MACROD2: variants seen among roughly 807,000 people sequenced by gnomAD.
The protein encoded by MACROD2 is mono-ADP ribosylhydrolase 2.
A neutral mutation model predicts 70.4 loss-of-function variants in MACROD2; 36 were observed. The ratio of observed to expected loss-of-function variants is 0.51; its 90% CI spans 0.39 to 0.68. The LOEUF (loss-of-function observed/expected upper bound fraction) is 0.68. MACROD2 is among the 30% of genes least tolerant of loss of function. The pLI is 0.00. For missense variants in MACROD2, 496 were observed against 538.4 expected (o/e 0.92, Z 0.78); for synonymous variants, 172 against 178.8 (o/e 0.96, Z 0.30).
At chr20:15,661,809 G>T (rs1283466102) in intron 8 of MACROD2, among the ~76,000 whole-genome samples, 1 of 152,112 alleles carries the variant, frequency 6.6e-6, no homozygotes, top group African/African-American at 2.4e-5. Context: ...TAAAATTAAG[G>T]TGTAATCACG....
intron 5 of MACROD2, among the ~76,000 whole-genome samples, chr20:15,175,388 C>T (rs1461000174): frequency 6.6e-6 from 1 of 151,804 alleles, no homozygotes; most frequent in African/African-American, 2.4e-5. Flanking sequence ...TGTAACTAAC[C>T]TGCACATTGT....
intron 8 of MACROD2, among the ~76,000 whole-genome samples, chr20:15,661,518 C>T (rs575652065): frequency 4.1e-4 from 63 of 152,296 alleles, no homozygotes; most frequent in Non-Finnish European, 3.7e-4. Context: ...TCATTCACTA[C>T]TGTAGAACAC....
intron 8 of MACROD2, among the ~76,000 whole-genome samples, chr20:15,589,767 C>A (rs1568914446): frequency 6.6e-6 from 1 of 152,294 alleles, no homozygotes; most frequent in East Asian, 1.9e-4. Context: ...ATAGTTGGAA[C>A]CACTTAGTCT....
intron 11 of MACROD2, among the ~76,000 whole-genome samples, chr20:15,935,044 C>T (rs73103568): frequency 0.14 from 20,701 of 152,146 alleles, 1,502 homozygotes; most frequent in South Asian, 0.27. Flanking sequence ...CATGTACACA[C>T]GCACACTCAC....
intron 11 of MACROD2, among the ~76,000 whole-genome samples, chr20:15,934,143 A>G (rs1432905063): frequency 6.6e-6 from 1 of 152,210 alleles, no homozygotes; most frequent in Middle Eastern, 3.2e-3. Flanking sequence ...TTTCCCAGTT[A>G]TTCTCCCAAC....
intron 3 of MACROD2, among the ~76,000 whole-genome samples, chr20:14,145,180 G>A (rs61398751): frequency 0.2 from 29,699 of 151,932 alleles, 3,008 homozygotes; most frequent in Admixed American, 0.24. Context: ...AGGCTTAAAG[G>A]GAATTTAAGA....
intron 8 of MACROD2, among the ~76,000 whole-genome samples, chr20:15,737,189 G>A (rs2051034207): frequency 6.6e-6 from 1 of 152,160 alleles, no homozygotes; most frequent in Admixed American, 6.5e-5. Context: ...AATTTTTGAA[G>A]ATAAAGTGTG....
At chr20:15,157,657 T>C (rs2145870360) in intron 5 of MACROD2, among the ~76,000 whole-genome samples, 1 of 152,248 alleles carries the variant, frequency 6.6e-6, no homozygotes, top group African/African-American at 2.4e-5. Context: ...AACTGACCCC[T>C]AATCCACACT....
intron 8 of MACROD2, among the ~76,000 whole-genome samples, chr20:15,551,126 G>A (rs2048089943): frequency 6.6e-6 from 1 of 152,102 alleles, no homozygotes; most frequent in African/African-American, 2.4e-5. Flanking sequence ...GGAGGGCTGT[G>A]GAGGTTCAGC....
At chr20:15,180,795 T>C (rs1472583767) in intron 5 of MACROD2, among the ~76,000 whole-genome samples, 1 of 152,220 alleles carries the variant, frequency 6.6e-6, no homozygotes, top group Non-Finnish European at 1.5e-5. Flanking sequence ...ATGGCCAGCA[T>C]ACAGTTTTAA....
intron 5 of MACROD2, among the ~76,000 whole-genome samples, chr20:14,809,194 C>T (rs2072677774): frequency 6.6e-6 from 1 of 152,090 alleles, no homozygotes. Flanking sequence ...GTAAAACACT[C>T]CTCAGCAAAG....
chr20:14,167,061 A>G (rs927692433), intron 3 of MACROD2, among the ~76,000 whole-genome samples: 2 of 152,078 alleles, frequency 1.3e-5, no homozygotes, highest in African/African-American at 4.8e-5. Context: ...AGGTCAGCAC[A>G]TGTACTCTTT....
At chr20:14,310,511 A>G (rs1285216127) in intron 3 of MACROD2, among the ~76,000 whole-genome samples, 3 of 152,190 alleles carry the variant, frequency 2.0e-5, no homozygotes, top group Non-Finnish European at 4.4e-5. Flanking sequence ...AAACAAACCT[A>G]CCATGCTGCC....
At chr20:14,832,643 A>G (rs1485475557) in intron 5 of MACROD2, among the ~76,000 whole-genome samples, 2 of 152,168 alleles carry the variant, frequency 1.3e-5, no homozygotes, top group Non-Finnish European at 2.9e-5. Context: ...GTAAATACAT[A>G]CAATTTAATT....
At chr20:14,533,101 C>G (rs963233724) in intron 4 of MACROD2, among the ~76,000 whole-genome samples, 1 of 146,120 alleles carries the variant, frequency 6.8e-6, no homozygotes, top group Non-Finnish European at 1.5e-5. Flanking sequence ...GATTTCACAG[C>G]AACCAATCAG....
intron 7 of MACROD2, among the ~76,000 whole-genome samples, chr20:15,469,997 G>T (rs1229697153): frequency 6.6e-6 from 1 of 152,122 alleles, no homozygotes; most frequent in Admixed American, 6.6e-5. Flanking sequence ...TCTATAGTTT[G>T]CCCATATTTC....
chr20:15,703,084 A>G (rs2050483443), intron 8 of MACROD2, among the ~76,000 whole-genome samples: 1 of 152,252 alleles, frequency 6.6e-6, no homozygotes, highest in African/African-American at 2.4e-5. Flanking sequence ...ATAGCTGGCT[A>G]GCTACATGCA....
chr20:15,392,360 A>C (rs1178486041), intron 6 of MACROD2, among the ~76,000 whole-genome samples: 2 of 152,216 alleles, frequency 1.3e-5, no homozygotes, highest in African/African-American at 4.8e-5. Flanking sequence ...GTTCCCTATT[A>C]GCATGAGGAA....
intron 5 of MACROD2, among the ~76,000 whole-genome samples, chr20:14,883,940 G>GT (rs397803429): frequency 6.6e-6 from 1 of 152,076 alleles, no homozygotes; most frequent in Non-Finnish European, 1.5e-5. Context: ...TTTGGGATTG[G>GT]ATTCCCTCCA....
Sources: allele counts gnomAD v4.1 joint callset (sites outside exome capture counted in the v4.1 genomes callset), GRCh38; gene constraint gnomAD v4.1.1; transcripts MANE v1.5; gene names NCBI Gene and HGNC (gene_info 2026-07-23, HGNC 2026-07-21).